The following GNAQ variants were observed in gnomAD, a reference collection of about 807,000 sequenced individuals.
GNAQ encodes G protein subunit alpha q, also known as guanine nucleotide-binding protein G(q) subunit alpha.
Under a neutral mutation model 43.9 loss-of-function variants are expected in GNAQ, and 8 were observed. The ratio of observed to expected loss-of-function variants is 0.18; its 90% CI spans 0.11 to 0.33. The LOEUF (loss-of-function observed/expected upper bound fraction) is 0.33, where lower values mean the gene tolerates loss of function less well. Ranked by LOEUF, GNAQ falls within the 10% of genes least tolerant of loss-of-function variation. The pLI is 1.00. For missense variants in GNAQ, 158 were observed against 450.8 expected, an observed-to-expected ratio of 0.35 and a Z score of 5.88; for synonymous variants, 155 against 170.7, an observed-to-expected ratio of 0.91 and a Z score of 0.71.
intron 2 of GNAQ, among the ~76,000 whole-genome samples, chr9:77,856,094 G>C (rs1348692656): frequency 6.6e-6 from 1 of 152,078 alleles, no homozygotes; most frequent in Non-Finnish European, 1.5e-5. Context: ...TTATATTTTG[G>C]CATGGGTAGT....
At position 77,762,573 on chromosome 9, in the gene GNAQ, G is replaced by A. The variant is rs1309017985; in HGVS notation, c.735+31890C>T. On this transcript the variant is annotated intron_variant, in intron 5 of 6. Coordinates refer to ENST00000286548, the MANE Select transcript of GNAQ (RefSeq NM_002072.5). The stretch of plus-strand genomic sequence containing the variant: ...TGGGAAGTGAGGAGCCCCTCTGCCC[G>A]GCCACCACCCCATCTGGGAGGTGTG... Among the ~76,000 whole-genome samples the A allele has an allele frequency of 1.1e-4, 17 of 149,720 alleles. 1 individual carries two copies. Among genetic ancestry groups the A allele is most frequent in the African/African-American group, 3.7e-4 (15 of 40,860 alleles).
intron 1 of GNAQ, among the ~76,000 whole-genome samples, chr9:78,001,072 A>C (rs1324105903): frequency 1.3e-5 from 2 of 152,160 alleles, no homozygotes; most frequent in Non-Finnish European, 2.9e-5. Flanking sequence ...AACTTCTATA[A>C]AACAAGGAAC....
At chr9:77,848,304 C>T (rs1827618645) in intron 2 of GNAQ, among the ~76,000 whole-genome samples, 1 of 152,188 alleles carries the variant, frequency 6.6e-6, no homozygotes. Flanking sequence ...AGCTAAGTGA[C>T]AAAGGGGACT....
intron 1 of GNAQ, among the ~76,000 whole-genome samples, chr9:78,016,047 A>C (rs190144687): frequency 2.2e-4 from 33 of 152,334 alleles, no homozygotes; most frequent in Non-Finnish European, 4.3e-4. Context: ...GGACAACTGG[A>C]TATTCACACG....
At chr9:77,819,706 T>C (rs888175448) in intron 2 of GNAQ, among the ~76,000 whole-genome samples, 14 of 152,102 alleles carry the variant, frequency 9.2e-5, no homozygotes, top group Non-Finnish European at 1.9e-4. Context: ...ATCTTCCTAC[T>C]TTTTTTCTAA....
intron 1 of GNAQ, among the ~76,000 whole-genome samples, chr9:77,994,967 G>A (rs533367178): frequency 5.3e-5 from 8 of 152,210 alleles, no homozygotes; most frequent in Non-Finnish European, 2.9e-5. Flanking sequence ...CCTACCTATC[G>A]AGAATATCCA....
chr9:77,781,817 A>C (rs1014246227), intron 5 of GNAQ, among the ~76,000 whole-genome samples: 25 of 152,140 alleles, frequency 1.6e-4, no homozygotes, highest in African/African-American at 6.0e-4. Context: ...TCCAACACCC[A>C]TTCATGATAA....
intron 1 of GNAQ, among the ~76,000 whole-genome samples, chr9:77,967,056 T>G (rs145754998): frequency 3.9e-5 from 6 of 152,232 alleles, no homozygotes; most frequent in African/African-American, 1.4e-4. Flanking sequence ...TTTTCAGTTC[T>G]TTTTAGAATT....
chr9:77,891,549 A>G (rs527584598), intron 2 of GNAQ, among the ~76,000 whole-genome samples: 45 of 152,278 alleles, frequency 3.0e-4, no homozygotes, highest in African/African-American at 1.1e-3. Flanking sequence ...CTGTCTTTAT[A>G]TGAATGTATT....
intron 1 of GNAQ, among the ~76,000 whole-genome samples, chr9:77,992,460 T>A (rs1003784100): frequency 4.6e-5 from 7 of 152,192 alleles, no homozygotes; most frequent in Admixed American, 4.6e-4. Flanking sequence ...TTTGTTTTTT[T>A]AATTTTTTAA....
At chr9:77,895,136 T>C (rs113614353) in intron 2 of GNAQ, among the ~76,000 whole-genome samples, 3,371 of 148,624 alleles carry the variant, frequency 0.023, 138 homozygotes, top group African/African-American at 0.08. Flanking sequence ...AGGTGGAGCT[T>C]GCAGTGAGCC....
intron 5 of GNAQ, among the ~76,000 whole-genome samples, chr9:77,772,502 T>A (rs779562149): frequency 2.0e-4 from 30 of 152,170 alleles, no homozygotes; most frequent in Non-Finnish European, 3.5e-4. Context: ...TAGTACTACA[T>A]CCCCTTTCGG....
intron 2 of GNAQ, among the ~76,000 whole-genome samples, chr9:77,818,004 CAAAA>C (rs1342834756): frequency 2.0e-5 from 3 of 150,338 alleles, no homozygotes; most frequent in Non-Finnish European, 3.0e-5. Flanking sequence ...CTGCAAAAAA[CAAAA>C]AAAACAAAAA....
chr9:77,968,583 T>C (rs181123048), intron 1 of GNAQ, among the ~76,000 whole-genome samples: 3 of 152,334 alleles, frequency 2.0e-5, no homozygotes, highest in Admixed American at 2.0e-4. Flanking sequence ...TGACATTCTA[T>C]GTATTGAATG....
chr9:77,778,359 T>C (rs1826337976), intron 5 of GNAQ, among the ~76,000 whole-genome samples: 1 of 151,966 alleles, frequency 6.6e-6, no homozygotes, highest in African/African-American at 2.4e-5. Context: ...ATAGTATTCT[T>C]TGAGTGTGGA....
At chr9:77,950,394 A>G (rs530925992) in intron 1 of GNAQ, among the ~76,000 whole-genome samples, 63 of 152,144 alleles carry the variant, frequency 4.1e-4, no homozygotes, top group Admixed American at 7.9e-4. Flanking sequence ...GTTACAACAC[A>G]TTTTTGTCCC....
At chr9:77,920,312 T>C (rs1216241962) in intron 2 of GNAQ, among the ~76,000 whole-genome samples, 3 of 152,114 alleles carry the variant, frequency 2.0e-5, no homozygotes, top group African/African-American at 7.2e-5. Flanking sequence ...CCTGAAGGAT[T>C]CTTCTGGAAC....
At chr9:77,866,833 T>C (rs1470827923) in intron 2 of GNAQ, among the ~76,000 whole-genome samples, 2 of 152,248 alleles carry the variant, frequency 1.3e-5, no homozygotes, top group Non-Finnish European at 2.9e-5. Context: ...TATAAAGTTA[T>C]GATTTTTATT....
At chr9:77,980,614 T>C (rs1823356378) in intron 1 of GNAQ, among the ~76,000 whole-genome samples, 1 of 152,100 alleles carries the variant, frequency 6.6e-6, no homozygotes, top group Non-Finnish European at 1.5e-5. Flanking sequence ...GCCTTATGCC[T>C]TACCATAGAC....
Sources: allele counts gnomAD v4.1 joint callset (sites outside exome capture counted in the v4.1 genomes callset), GRCh38; gene constraint gnomAD v4.1.1; transcripts MANE v1.5; gene names NCBI Gene and HGNC (gene_info 2026-07-23, HGNC 2026-07-21).